Variants in INPP5E observed in about 807,000 individuals in gnomAD.
INPP5E encodes inositol polyphosphate-5-phosphatase E.
A neutral mutation model predicts 50.5 loss-of-function variants in INPP5E; 34 were observed. That is an observed-to-expected ratio of 0.67 (90% confidence interval 0.51 to 0.90). The LOEUF is 0.90. Ranked by LOEUF, INPP5E falls within the 40% of genes least tolerant of loss-of-function variation. The pLI is 0.00. For synonymous variants in INPP5E, 447 were observed against 406.0 expected (o/e 1.10, Z -1.21); for missense variants, 942 against 905.5 (o/e 1.04, Z -0.52).
intron 1 of INPP5E, chr9:136,436,098 ACTT>A (rs1264061029): frequency 1.3e-5 from 2 of 152,236 alleles, no homozygotes; most frequent in African/African-American, 4.8e-5. Flanking sequence ...TCCCGCGAGA[ACTT>A]CTTCAACCCT....
Position 136,439,402 on chromosome 9 carries a change from C to T in INPP5E, c.18G>A (p.Glu6=). 6.8e-7 allele frequency: 1 copy of T among 1,466,520 alleles called. No homozygotes were observed. The allele number at this position is 1,466,520 out of a possible 1,614,324, so 90.8% of individuals were successfully genotyped here. A position where few individuals can be genotyped will look rare whatever the true frequency, so the allele number is the denominator to read the frequency against. ...GGGCCGGCTCGGAGGGCCGCAGATT[C>T]TCCGCCTTGGACGGCATGGACGGTC... MPSKA[E]NLRPSEPAPQ... The change falls in exon 1 of 10, where the codon GAG becomes GAA. Residue 6 remains glutamate (E), a synonymous_variant. Coordinates refer to ENST00000371712, the MANE Select transcript of INPP5E (RefSeq NM_019892.6).
At position 136,439,275 on chromosome 9, in the gene INPP5E, C is replaced by T. The variant is rs1033200510; in HGVS notation, c.145G>A (p.Ala49Thr). The change falls in exon 1 of 10, where the codon GCG (alanine) becomes ACG (threonine). Residue 49 changes from alanine to threonine, a missense_variant. Ala to Thr is a moderately conservative substitution (Grantham distance 58). Coordinates refer to ENST00000371712, the MANE Select transcript of INPP5E (RefSeq NM_019892.6). Reference sequence around the variant, plus strand: ...GTGGCCGGAGTGCTGCAGGCAAGCGCGGGGCTCTCGGAGCCCGGAGCATCG... The same window carrying T: ...GTGGCCGGAGTGCTGCAGGCAAGCGTGGGGCTCTCGGAGCCCGGAGCATCG... ...PPDAPGSESP[A>T]LACSTPATPS... 2 of 1,459,738 alleles carry T rather than the reference C, an allele frequency of 1.4e-6. No homozygotes were observed. Among genetic ancestry groups the T allele is most frequent in the South Asian group, 1.4e-5 (1 of 72,166 alleles). The allele number at this position is 1,459,738 out of a possible 1,614,324, so 90.4% of individuals were successfully genotyped here.
intron 2 of INPP5E, 130 bp downstream of exon 2, chr9:136,434,610 A>G: frequency 7.9e-7 from 1 of 1,272,624 alleles, no homozygotes; most frequent in African/African-American, 1.5e-5. Flanking sequence ...TGCGGTTAGC[A>G]GTGGGGTGCA....
At position 136,433,993 on chromosome 9, in the gene INPP5E, C is replaced by A. The variant is rs537941870; in HGVS notation, c.1034+44G>T. The stretch of plus-strand genomic sequence containing the variant: ...TCTCAGCACCCAGCTGCTTCAGAGA[C>A]GGCAGCCCCTGGGCAGGCACTGCAG... On this transcript the variant is annotated intron_variant, in intron 3 of 9. Transcript: ENST00000371712. 10 of 1,470,400 alleles carry A rather than the reference C, an allele frequency of 6.8e-6. No individual in the cohort carries two copies. The African/African-American group carries it at 1.4e-4, about 20-fold the overall frequency. The allele number at this position is 1,470,400 out of a possible 1,614,324, so 91.1% of individuals were successfully genotyped here.
chr9:136,438,440 G>C (rs1835883508), intron 1 of INPP5E, 168 bp downstream of exon 1: 1 of 664,002 alleles, frequency 1.5e-6, no homozygotes, highest in African/African-American at 1.8e-5. Context: ...TGGGAAGGGC[G>C]CTGCTGTGGG....
Position 136,438,730 on chromosome 9 carries a change from G to C in INPP5E, c.690C>G (p.Ala230=), listed in dbSNP as rs749184059. 4.3e-6 allele frequency: 7 copies of C among 1,610,356 alleles called. No homozygotes were observed. The highest frequency in any genetic ancestry group is 2.2e-5 in the East Asian group (1 of 44,824). ...GCCGGCCGGGGCCCAGGCTGCTGTG[G>C]GCCCGCACCAGGAGCGGCTGCGCGC... ...KLRAQPLLVR[A]HSSLGPGRPR... Residue 230 remains alanine, a synonymous_variant, in exon 1 of 10, where the codon GCC becomes GCG. Transcript: ENST00000371712.
rs2131608723 is a variant in INPP5E at position 136,433,000 on chromosome 9, G to A, written c.1235C>T (p.Thr412Ile). Residue 412 changes from threonine to isoleucine, a missense_variant, in exon 5 of 10, where the codon ACC (threonine) becomes ATC (isoleucine). By Grantham distance (89) the Thr-to-Ile change is moderately conservative. Coordinates refer to ENST00000371712, the MANE Select transcript of INPP5E (RefSeq NM_019892.6). ...KTKGALGISF[T>I]FFGTSFLFIT... ...GAAGAGGAAGGAAGTGCCAAAAAAG[G>A]TGAAGCTGATGCCCAAGGCCCCCTT... The A allele has an allele frequency of 6.2e-7, 1 of 1,613,752 alleles. No homozygotes were observed. The highest frequency in any genetic ancestry group is 1.3e-5 in the African/African-American group (1 of 75,066).
At chr9:136,435,715 TCCGTGGGACATCCAGTGTCTGTCG>T (rs1364567042) in intron 1 of INPP5E, 1 of 152,114 alleles carries the variant, frequency 6.6e-6, no homozygotes, top group Non-Finnish European at 1.5e-5. Context: ...CGCCTGCCGC[TCCGTGGGACATCCAGTGTCTGTCG>T]CCGTGGGCTC....
Position 136,432,591 on chromosome 9 carries a change from G to A in INPP5E, c.1280-5C>T. ...CCGCCACCTTCCCGTCACCTGCTGT[G>A]GGAACAGAAATGGGGTAGGGACCAC... On this transcript the variant is annotated splice_region_variant and splice_polypyrimidine_tract_variant and intron_variant, in intron 5 of 9. Transcript: ENST00000371712. 1 of 1,531,978 alleles carries A rather than the reference G, an allele frequency of 6.5e-7. No individual in the cohort carries two copies. The highest frequency in any genetic ancestry group is 8.8e-7 in the Non-Finnish European group (1 of 1,131,278). The allele number at this position is 1,531,978 out of a possible 1,614,324, so 94.9% of individuals were successfully genotyped here. A position where few individuals can be genotyped will look rare whatever the true frequency, so the allele number is the denominator to read the frequency against.
rs1318575224 is a variant in INPP5E, at chr9:136,433,272, A to G, written c.1042T>C (p.Trp348Arg). ...AGCGTCTCCTGCAGACGAGTCTCCC[A>G]CTCCCGCCTGCAGAGGAGGAAGCAC... Reference protein sequence around the residue: ...VQEGCSDRREWETRLQETLGP... With the variant: ...VQEGCSDRRERETRLQETLGP... The change falls in exon 4 of 10, where the codon TGG (tryptophan) becomes CGG (arginine). Residue 348 changes from tryptophan to arginine, a missense_variant. Trp to Arg is a moderately radical substitution (Grantham distance 101). Coordinates refer to ENST00000371712, the MANE Select transcript of INPP5E (RefSeq NM_019892.6). 3 of 1,580,476 alleles carry G rather than the reference A, an allele frequency of 1.9e-6. No homozygotes were observed. Among genetic ancestry groups the G allele is most frequent in the Non-Finnish European group, 8.5e-7 (1 of 1,170,098 alleles).
At position 136,431,038 on chromosome 9, in the gene INPP5E, G is replaced by A. The variant is rs753398503; in HGVS notation, c.1629C>T (p.Tyr543=). 6.2e-6 allele frequency: 10 copies of A among 1,613,156 alleles called. No individual in the cohort carries two copies. The highest frequency in any genetic ancestry group is 2.2e-5 in the East Asian group (1 of 44,822). Residue 543 remains tyrosine, a synonymous_variant, in exon 8 of 10, where the codon TAC becomes TAT. Transcript: ENST00000371712. The part of the protein sequence containing the change: ...SYKFDIGKDT[Y]DSTSKQRTPS... ...GCGTCCTCTGCTTGGAGGTGCTGTC[G>A]TACGTGTCCTTCCCGATGTCAAACT...
At position 136,429,373 on chromosome 9, in the gene INPP5E, CG is replaced by C. The variant is rs1199382372; in HGVS notation, c.*301del. 1.2e-5 allele frequency: 6 copies of C among 491,872 alleles called. No homozygotes were observed. The highest frequency in any genetic ancestry group is 7.8e-5 in the African/African-American group (4 of 51,298). 30.5% of individuals were successfully genotyped at this position (491,872 alleles called of 1,614,324 possible). A position where few individuals can be genotyped will look rare whatever the true frequency, so the allele number is the denominator to read the frequency against. Reference sequence around the variant, plus strand: ...GGAGCTGCTCAGGAACGGATTCTGACGTCTGCCCCCGAGAGTGGCTGGGGTC... The same window carrying C: ...GGAGCTGCTCAGGAACGGATTCTGACTCTGCCCCCGAGAGTGGCTGGGGTC... On this transcript the variant is annotated 3_prime_UTR_variant, in exon 10 of 10. Coordinates refer to ENST00000371712, the MANE Select transcript of INPP5E (RefSeq NM_019892.6).
rs1200807419 is a variant in INPP5E at position 136,429,753 on chromosome 9, T to C, written c.1857A>G (p.Lys619=). ...FDRELYLLGI[K]RRISKEIQRQ... ...TCTGAATCTCCTTCGAAATCCGTCT[T>C]TTAATTCCTAGTAAGTACAGTTCTC... The change falls in exon 10 of 10, where the codon AAA becomes AAG. Residue 619 remains lysine (K), a synonymous_variant. Transcript: ENST00000371712. 1.2e-6 allele frequency: 2 copies of C among 1,613,998 alleles called. No individual in the cohort carries two copies.
At position 136,438,677 on chromosome 9, in the gene INPP5E, C is replaced by A. The variant is rs767038608; in HGVS notation, c.743G>T (p.Cys248Phe). Residue 248 changes from cysteine to phenylalanine, a missense_variant, in exon 1 of 10, where the codon TGT becomes TTT. Physicochemically the swap from Cys to Phe is radical, Grantham distance 205. Coordinates refer to ENST00000371712, the MANE Select transcript of INPP5E (RefSeq NM_019892.6). ...GGAGGATTTGGCCGAGCGAAGGGAA[C>A]AGTCGTCGCAGGCCAGGGGGCTCCG... is the stretch of plus-strand genomic sequence containing the variant. ...RPRSPLACDD[C>F]SLRSAKSSFS... 1 of 1,594,936 alleles carries A rather than the reference C, an allele frequency of 6.3e-7. No homozygotes were observed. The highest frequency in any genetic ancestry group is 8.5e-7 in the Non-Finnish European group (1 of 1,171,220).
At position 136,438,865 on chromosome 9, in the gene INPP5E, C is replaced by A. The variant is rs1447298169; in HGVS notation, c.555G>T (p.Leu185=). 1 of 1,594,900 alleles carries A rather than the reference C, an allele frequency of 6.3e-7. No homozygotes were observed. The highest frequency in any genetic ancestry group is 1.1e-5 in the South Asian group (1 of 89,454). ...GTGGGCGCGGGGGCAGCAGGCTGGG[C>A]AGCCTGGGCGAGCTCCCCGCCACGG... ...DAAVAGSSPR[L]PSLLPPRPPP... is the part of the protein sequence containing the mutation. The change falls in exon 1 of 10, where the codon CTG becomes CTT. Residue 185 remains leucine (L), a synonymous_variant. Coordinates refer to ENST00000371712, the MANE Select transcript of INPP5E (RefSeq NM_019892.6).
chr9:136,430,209 C>T (rs1355950135), intron 9 of INPP5E, 68 bp downstream of exon 9: 3 of 1,542,230 alleles, frequency 1.9e-6, no homozygotes, highest in East Asian at 4.9e-5. Flanking sequence ...GACAGGGACC[C>T]TCTTAGCTCA....
chr9:136,432,930 T>C, intron 5 of INPP5E, 26 bp downstream of exon 5: 1 of 1,609,962 alleles, frequency 6.2e-7, no homozygotes, highest in Non-Finnish European at 8.5e-7. Context: ...ACACAGCACC[T>C]GCGGTGCGGG....
At position 136,438,635 on chromosome 9, in the gene INPP5E, G is replaced by A; in HGVS notation, c.785C>T (p.Pro262Leu). 6.4e-7 allele frequency: 1 copy of A among 1,571,132 alleles called. No homozygotes were observed. Among genetic ancestry groups the A allele is most frequent in the Non-Finnish European group, 8.6e-7 (1 of 1,159,000 alleles). The stretch of plus-strand genomic sequence containing the variant: ...GCTGCGGACGTCCTTGCTGCGGATG[G>A]GCGCCAGGAGGCTGAAGGAGGATTT... Reference protein sequence around the residue: ...SAKSSFSLLAPIRSKDVRSRS... With the variant: ...SAKSSFSLLALIRSKDVRSRS... Residue 262 changes from proline (P) to leucine (L), a missense_variant, in exon 1 of 10, where the codon CCC becomes CTC. By Grantham distance (98) the Pro-to-Leu change is moderately conservative. Transcript: ENST00000371712.
Position 136,439,137 on chromosome 9 carries a change from GCCT to G in INPP5E, c.280_282del (p.Arg95del). On this transcript the variant is annotated inframe_deletion, in exon 1 of 10. Coordinates refer to ENST00000371712, the MANE Select transcript of INPP5E (RefSeq NM_019892.6). ...AGGTCCTCCTGGCTGCCTCGAAAACGCCTCCTCCTCCAGCCCTTGTCGTCCAGG... is the reference window on the plus strand; with the variant it reads ...AGGTCCTCCTGGCTGCCTCGAAAACGCCTCCTCCAGCCCTTGTCGTCCAGG... 1 of 1,583,432 alleles carries G rather than the reference GCCT, an allele frequency of 6.3e-7. No individual in the cohort carries two copies.
Sources: gnomAD v4.1 joint callset for allele counts on GRCh38, gnomAD v4.1.1 for gene constraint, MANE v1.5 for transcripts, NCBI Gene and HGNC (gene_info 2026-07-23, HGNC 2026-07-21) for gene names.